The following GPC5 variants were observed in gnomAD, a reference collection of about 807,000 sequenced individuals.
GPC5 encodes glypican-5.
A neutral mutation model predicts 53.9 loss-of-function variants in GPC5; 47 were observed. The ratio of observed to expected loss-of-function variants is 0.87; its 90% CI spans 0.69 to 1.11. GPC5 has a LOEUF of 1.11. Among genes scored for constraint, GPC5 ranks in the 50% most tolerant of loss-of-function variants. The pLI is 0.00. For synonymous variants in GPC5, 286 were observed against 263.3 expected (o/e 1.09, Z -0.84); for missense variants, 748 against 713.1 (o/e 1.05, Z -0.56).
chr13:91,578,322 T>C (rs973300822), intron 2 of GPC5, among the ~76,000 whole-genome samples: 1 of 152,204 alleles, frequency 6.6e-6, no homozygotes, highest in Admixed American at 6.5e-5. Context: ...ACAAAAGCTG[T>C]GAGATAATAT....
chr13:92,426,707 A>G (rs1386546995), intron 7 of GPC5, among the ~76,000 whole-genome samples: 2 of 152,060 alleles, frequency 1.3e-5, no homozygotes, highest in Non-Finnish European at 2.9e-5. Context: ...CTTTGATTAC[A>G]TATAATTTTA....
In GPC5 at chr13:91,574,066, C is replaced by CT. The variant is rs1410961115; in HGVS notation, c.326-119114dup. On this transcript the variant is annotated intron_variant, in intron 2 of 7. Coordinates refer to ENST00000377067, the MANE Select transcript of GPC5 (RefSeq NM_004466.6). ...ACCAAGGGTAATTATTTACCATATT[C>CT]TTTTTTTGTGGTAAAATTGCTAACT... Among the ~76,000 whole-genome samples the CT allele has an allele frequency of 6.1e-4, 93 of 152,172 alleles. 1 individual carries two copies. The highest frequency in any genetic ancestry group is 2.2e-3 in the African/African-American group (90 of 41,534).
At chr13:91,799,674 AC>A (rs1219043651) in intron 5 of GPC5, among the ~76,000 whole-genome samples, 1 of 152,180 alleles carries the variant, frequency 6.6e-6, no homozygotes, top group Non-Finnish European at 1.5e-5. Flanking sequence ...CAATCTATAT[AC>A]AGCATAGGAT....
intron 7 of GPC5, among the ~76,000 whole-genome samples, chr13:92,346,337 T>C (rs980929025): frequency 1.2e-4 from 19 of 152,182 alleles, no homozygotes; most frequent in Non-Finnish European, 2.5e-4. Flanking sequence ...ATCTGCTTCC[T>C]AGCCTGAATA....
chr13:92,834,447 A>C (rs980429062), intron 7 of GPC5, among the ~76,000 whole-genome samples: 2 of 152,128 alleles, frequency 1.3e-5, no homozygotes, highest in Admixed American at 6.6e-5. Flanking sequence ...ATTAAGGGGA[A>C]AGTTACTCAC....
chr13:91,656,902 G>A lies in GPC5; in HGVS notation c.326-36285G>A, dbSNP rs2139590122. 2.0e-5 allele frequency among the ~76,000 whole-genome samples: 3 copies of A among 152,248 alleles called. No individual in the cohort carries two copies. The South Asian group carries it at 6.2e-4, about 32-fold the overall frequency. The stretch of plus-strand genomic sequence containing the variant: ...ATTTTAGAAACAGTGCTGGGTGCTG[G>A]TGATAAAAGGCTAAACGATGAAGGC... On this transcript the variant is annotated intron_variant, in intron 2 of 7. Coordinates refer to ENST00000377067, the MANE Select transcript of GPC5 (RefSeq NM_004466.6).
At chr13:91,484,708 A>G (rs756711497) in intron 2 of GPC5, among the ~76,000 whole-genome samples, 4 of 152,202 alleles carry the variant, frequency 2.6e-5, no homozygotes, top group African/African-American at 4.8e-5. Context: ...TGGAAAGTTT[A>G]TAACTTTTAG....
intron 6 of GPC5, among the ~76,000 whole-genome samples, chr13:91,981,687 A>G (rs1283271789): frequency 6.6e-6 from 1 of 152,200 alleles, no homozygotes; most frequent in Non-Finnish European, 1.5e-5. Flanking sequence ...AATCCTTATC[A>G]CCTAAACTAG....
At chr13:91,689,848 T>TA (rs201808623) in intron 2 of GPC5, among the ~76,000 whole-genome samples, 3 of 151,824 alleles carry the variant, frequency 2.0e-5, no homozygotes, top group Non-Finnish European at 4.4e-5. Flanking sequence ...ATGGTTAACT[T>TA]AAAAAAAATC....
intron 4 of GPC5, among the ~76,000 whole-genome samples, chr13:91,751,348 C>T (rs570840867): frequency 6.6e-6 from 1 of 152,194 alleles, no homozygotes; most frequent in South Asian, 2.1e-4. Context: ...TTGTAGCAAC[C>T]GTGAGAGACT....
chr13:91,548,225 A>C (rs560557888), intron 2 of GPC5, among the ~76,000 whole-genome samples: 9 of 152,302 alleles, frequency 5.9e-5, no homozygotes, highest in African/African-American at 1.9e-4. Flanking sequence ...AAAAGAATCA[A>C]CAAACACAAA....
At chr13:92,589,855 A>G (rs891419550) in intron 7 of GPC5, among the ~76,000 whole-genome samples, 6 of 152,206 alleles carry the variant, frequency 3.9e-5, no homozygotes, top group African/African-American at 1.4e-4. Flanking sequence ...ACTTAAGTCA[A>G]TCGAAATGAT....
At chr13:92,200,950 AAC>A (rs199801915) in intron 7 of GPC5, among the ~76,000 whole-genome samples, 2,582 of 147,602 alleles carry the variant, frequency 0.017, 59 homozygotes, top group African/African-American at 0.061. Context: ...TAGGGAGAGC[AAC>A]AGACAGACAC....
At chr13:92,175,992 A>G (rs1184649275) in intron 7 of GPC5, among the ~76,000 whole-genome samples, 2 of 152,212 alleles carry the variant, frequency 1.3e-5, no homozygotes, top group Admixed American at 6.5e-5. Flanking sequence ...CCATTTATCT[A>G]TATCTAGCCA....
intron 7 of GPC5, among the ~76,000 whole-genome samples, chr13:92,474,843 A>C (rs1879043525): frequency 6.6e-6 from 1 of 152,124 alleles, no homozygotes; most frequent in Non-Finnish European, 1.5e-5. Flanking sequence ...TGAAGAAGAC[A>C]GGAAGAATAT....
At chr13:91,900,202 T>C (rs1223814765) in intron 5 of GPC5, among the ~76,000 whole-genome samples, 1 of 152,204 alleles carries the variant, frequency 6.6e-6, no homozygotes, top group African/African-American at 2.4e-5. Flanking sequence ...TTCAGAATTT[T>C]ATAATGCTTC....
chr13:92,235,328 A>G (rs1198952228), intron 7 of GPC5, among the ~76,000 whole-genome samples: 1 of 152,144 alleles, frequency 6.6e-6, no homozygotes, highest in Non-Finnish European at 1.5e-5. Context: ...TACTGTATTT[A>G]TTGAAATAGA....
rs553619266 is a variant in GPC5 at position 91,442,357 on chromosome 13, T to G, written c.164-6404T>G. ...CCATGTGTTGCCCATTTAAAGAACA[T>G]TTGTTATATTTTCTATGTCTCTCCT... On this transcript the variant is annotated intron_variant, in intron 1 of 7. Transcript: ENST00000377067. 1.2e-4 allele frequency among the ~76,000 whole-genome samples: 19 copies of G among 152,336 alleles called. No individual in the cohort carries two copies. In the East Asian group the frequency reaches 3.7e-3, roughly 29 times the overall value.
chr13:91,771,517 A>G lies in GPC5; in HGVS notation c.1280+15097A>G, dbSNP rs537548566. Among the ~76,000 whole-genome samples, 79 of 152,296 alleles carry G rather than the reference A, an allele frequency of 5.2e-4. No homozygotes were observed. In the South Asian group the frequency reaches 0.014, roughly 27 times the overall value. ...ACAAGGTAGAACAACCAAAATCTCCATTAATAAGGAAATAATTAAATGGTT... is the reference window on the plus strand; with the variant it reads ...ACAAGGTAGAACAACCAAAATCTCCGTTAATAAGGAAATAATTAAATGGTT... On this transcript the variant is annotated intron_variant, in intron 5 of 7. Transcript: ENST00000377067.
Sources: allele counts gnomAD v4.1 joint callset (sites outside exome capture counted in the v4.1 genomes callset), GRCh38; gene constraint gnomAD v4.1.1; transcripts MANE v1.5; gene names NCBI Gene and HGNC (gene_info 2026-07-23, HGNC 2026-07-21).